The following CACNG3 variants were observed in gnomAD, a reference collection of about 807,000 sequenced individuals.
CACNG3 encodes the protein voltage-dependent calcium channel gamma-3 subunit.
CACNG3 carries 3 observed loss-of-function variants against 28.5 expected under a neutral mutation model. That is an observed-to-expected ratio of 0.11 (90% confidence interval 0.05 to 0.27). The LOEUF (loss-of-function observed/expected upper bound fraction) is 0.27, where lower values mean the gene tolerates loss of function less well. Among genes scored for constraint, CACNG3 ranks in the 10% least tolerant of loss-of-function variants. The pLI is 1.00. For synonymous variants in CACNG3, 174 were observed against 162.2 expected (o/e 1.07, Z -0.55); for missense variants, 236 against 414.4 (o/e 0.57, Z 3.74).
chr16:24,298,894 T>C (rs563832836), intron 1 of CACNG3, among the ~76,000 whole-genome samples: 227 of 152,322 alleles, frequency 1.5e-3, no homozygotes, highest in African/African-American at 5.3e-3. Flanking sequence ...TGAAGGATCA[T>C]GGGTTTGGGG....
intron 2 of CACNG3, among the ~76,000 whole-genome samples, chr16:24,347,866 C>T (rs192102710): frequency 2.0e-5 from 3 of 152,144 alleles, no homozygotes; most frequent in African/African-American, 7.2e-5. Context: ...TAGTTCCTAC[C>T]TTTCTTCATT....
At chr16:24,284,674 C>T (rs1250682092) in intron 1 of CACNG3, among the ~76,000 whole-genome samples, 1 of 152,088 alleles carries the variant, frequency 6.6e-6, no homozygotes, top group East Asian at 1.9e-4. Context: ...AATTTGAAGG[C>T]AGCCAACCAA....
chr16:24,296,880 C>G lies in CACNG3; in HGVS notation c.211+39915C>G, dbSNP rs1369833505. 3.3e-5 allele frequency among the ~76,000 whole-genome samples: 5 copies of G among 152,208 alleles called. No homozygotes were observed. The East Asian group carries it at 7.7e-4, about 24-fold the overall frequency. ...TGCAAATGGAGCTGACCTGTAATTG[C>G]CCCTCAAACAGGAACAGGAGCTGAG... On this transcript the variant is annotated intron_variant, in intron 1 of 3. Coordinates refer to ENST00000005284, the MANE Select transcript of CACNG3 (RefSeq NM_006539.4).
chr16:24,298,451 T>A (rs1404824877), intron 1 of CACNG3, among the ~76,000 whole-genome samples: 2 of 152,230 alleles, frequency 1.3e-5, no homozygotes, highest in Non-Finnish European at 2.9e-5. Context: ...ATCATAGTTT[T>A]CTAAAACTGA....
chr16:24,279,758 G>A lies in CACNG3; in HGVS notation c.211+22793G>A, dbSNP rs555485545. Among the ~76,000 whole-genome samples the A allele has an allele frequency of 1.9e-3, 292 of 152,316 alleles. 2 individuals are homozygous for A. The highest frequency in any genetic ancestry group is 1.4e-3 in the Non-Finnish European group (92 of 68,024). ...AATTTCCTGACTGTTGCATGTAAAG[G>A]TAAGAGAGAATGAGCTCAAGGCACA... On this transcript the variant is annotated intron_variant, in intron 1 of 3. Coordinates refer to ENST00000005284, the MANE Select transcript of CACNG3 (RefSeq NM_006539.4).
rs1421786069 is a variant in CACNG3, at chr16:24,361,803, C to T, written c.888C>T (p.Pro296=). The change falls in exon 4 of 4, where the codon CCC becomes CCT. Residue 296 remains proline, a synonymous_variant. Transcript: ENST00000005284. The surrounding 1 kb of genome is among the most constrained non-coding windows in gnomAD (Gnocchi z 6.8). ...HAFLQFHNST[P]KEFKESLHNN... ...TTCTACAGTTCCACAATTCCACACC[C>T]AAAGAGTTCAAAGAGTCACTGCATA... The T allele has an allele frequency of 1.9e-6, 3 of 1,613,648 alleles. No homozygotes were observed. Among genetic ancestry groups the T allele is most frequent in the African/African-American group, 1.3e-5 (1 of 74,902 alleles).
At chr16:24,353,257 G>T (rs1036662193) in intron 2 of CACNG3, among the ~76,000 whole-genome samples, 1 of 152,010 alleles carries the variant, frequency 6.6e-6, no homozygotes, top group Non-Finnish European at 1.5e-5. Flanking sequence ...TTACAGGCTT[G>T]AGCCACCATG....
chr16:24,291,341 C>T (rs1432823223), intron 1 of CACNG3, among the ~76,000 whole-genome samples: 1 of 152,164 alleles, frequency 6.6e-6, no homozygotes, highest in Admixed American at 6.5e-5. Flanking sequence ...CTGGATATTG[C>T]TCCTGTCAAC....
intron 1 of CACNG3, among the ~76,000 whole-genome samples, chr16:24,268,681 G>A (rs991364878): frequency 3.3e-5 from 5 of 152,198 alleles, no homozygotes; most frequent in Admixed American, 1.3e-4. Flanking sequence ...TAACACTAAT[G>A]ATTTGGAAGT....
chr16:24,281,641 G>A (rs565196379), intron 1 of CACNG3, among the ~76,000 whole-genome samples: 9 of 152,256 alleles, frequency 5.9e-5, no homozygotes, highest in South Asian at 2.1e-4. Flanking sequence ...AAGGGTCCCC[G>A]AAAGGTTGAT....
At chr16:24,341,741 A>G (rs1200536233) in intron 1 of CACNG3, among the ~76,000 whole-genome samples, 1 of 152,146 alleles carries the variant, frequency 6.6e-6, no homozygotes, top group Non-Finnish European at 1.5e-5. Context: ...TACTAAATAC[A>G]TTTTGGTTCG....
At chr16:24,300,361 G>A (rs185046138) in intron 1 of CACNG3, among the ~76,000 whole-genome samples, 32 of 152,202 alleles carry the variant, frequency 2.1e-4, no homozygotes, top group African/African-American at 5.8e-4. Flanking sequence ...GAGAAGGGGC[G>A]GGGTGAGGAC....
chr16:24,268,496 C>T (rs1016736363), intron 1 of CACNG3, among the ~76,000 whole-genome samples: 2 of 152,178 alleles, frequency 1.3e-5, no homozygotes, highest in Non-Finnish European at 2.9e-5. Flanking sequence ...ACCATTCAAC[C>T]ACTGGAGATA....
intron 1 of CACNG3, among the ~76,000 whole-genome samples, chr16:24,278,773 T>C (rs1898783860): frequency 6.6e-6 from 1 of 152,194 alleles, no homozygotes. Flanking sequence ...ACAGAGAGGT[T>C]AAGTAACTGG....
At chr16:24,322,924 C>T (rs1452053174) in intron 1 of CACNG3, among the ~76,000 whole-genome samples, 2 of 152,032 alleles carry the variant, frequency 1.3e-5, no homozygotes, top group African/African-American at 4.8e-5. Flanking sequence ...ATATTTTTCG[C>T]CTTACAAAAA....
chr16:24,326,788 C>T (rs12596171), intron 1 of CACNG3, among the ~76,000 whole-genome samples: 17,497 of 152,168 alleles, frequency 0.11, 1,322 homozygotes, highest in Middle Eastern at 0.16. Flanking sequence ...GTAGCCTTAC[C>T]AGTGGAAGGG....
At chr16:24,291,103 G>A (rs181153780) in intron 1 of CACNG3, among the ~76,000 whole-genome samples, 222 of 152,290 alleles carry the variant, frequency 1.5e-3, no homozygotes, top group Non-Finnish European at 2.8e-3. Flanking sequence ...CTGTAAATGG[G>A]CAAGATAATA....
intron 1 of CACNG3, among the ~76,000 whole-genome samples, chr16:24,332,137 T>C (rs1899638998): frequency 6.6e-6 from 1 of 152,182 alleles, no homozygotes; most frequent in African/African-American, 2.4e-5. Flanking sequence ...ACAAGCAACC[T>C]AGGTGCCTCT....
intron 1 of CACNG3, among the ~76,000 whole-genome samples, chr16:24,306,301 T>G (rs1899184638): frequency 6.6e-6 from 1 of 152,210 alleles, no homozygotes; most frequent in Admixed American, 6.5e-5. Flanking sequence ...TTTTCGTCTT[T>G]TGCCTCCTGG....
Sources: allele counts gnomAD v4.1 joint callset (sites outside exome capture counted in the v4.1 genomes callset), GRCh38; gene constraint gnomAD v4.1.1; non-coding constraint Gnocchi (gnomAD v3.1); transcripts MANE v1.5; gene names NCBI Gene and HGNC (gene_info 2026-07-23, HGNC 2026-07-21).